The following NRXN3 variants were observed in gnomAD, a reference collection of about 807,000 sequenced individuals.
The protein encoded by NRXN3 is neurexin III.
A neutral mutation model predicts 137.6 loss-of-function variants in NRXN3; 32 were observed. The ratio of observed to expected loss-of-function variants is 0.23; its 90% CI spans 0.18 to 0.31. The LOEUF (loss-of-function observed/expected upper bound fraction) is 0.31. Ranked by LOEUF, NRXN3 falls within the 10% of genes least tolerant of loss-of-function variation. The pLI is 1.00. For missense variants in NRXN3, 1,574 were observed against 2,062.5 expected, an observed-to-expected ratio of 0.76 and a Z score of 4.59; for synonymous variants, 798 against 784.5, an observed-to-expected ratio of 1.02 and a Z score of -0.29.
intron 2 of NRXN3, among the ~76,000 whole-genome samples, chr14:78,251,327 GA>G (rs1373142027): frequency 2.0e-5 from 3 of 152,234 alleles, no homozygotes; most frequent in African/African-American, 2.4e-5. Context: ...GTGTGTGTGA[GA>G]GGGGGAGATG....
At chr14:79,783,525 G>A (rs1421201949) in intron 19 of NRXN3, among the ~76,000 whole-genome samples, 3 of 152,104 alleles carry the variant, frequency 2.0e-5, no homozygotes, top group East Asian at 3.9e-4. Context: ...ACCTCACAAT[G>A]TTGATATTGA....
chr14:78,664,578 A>G (rs1567008483), intron 6 of NRXN3, among the ~76,000 whole-genome samples: 1 of 152,150 alleles, frequency 6.6e-6, no homozygotes, highest in Non-Finnish European at 1.5e-5. Flanking sequence ...CTACATTTGC[A>G]TGTCAGACTC....
intron 8 of NRXN3, among the ~76,000 whole-genome samples, chr14:78,767,809 A>T (rs1197267216): frequency 1.3e-5 from 2 of 152,170 alleles, no homozygotes; most frequent in Non-Finnish European, 2.9e-5. Flanking sequence ...ACCATTCTTG[A>T]ACTATATTAT....
intron 15 of NRXN3, among the ~76,000 whole-genome samples, chr14:79,105,527 A>T (rs2052253684): frequency 1.3e-5 from 2 of 152,126 alleles, no homozygotes; most frequent in Non-Finnish European, 2.9e-5. Context: ...TCTGAGTTTT[A>T]CCCAATGGGT....
At chr14:79,665,624 T>C (rs2098553850) in intron 17 of NRXN3, among the ~76,000 whole-genome samples, 1 of 152,094 alleles carries the variant, frequency 6.6e-6, no homozygotes, top group African/African-American at 2.4e-5. Flanking sequence ...GAAGGGTTTG[T>C]TGTGTTTCTG....
intron 15 of NRXN3, among the ~76,000 whole-genome samples, chr14:79,376,660 A>G (rs2094311742): frequency 6.6e-6 from 1 of 152,176 alleles, no homozygotes; most frequent in Admixed American, 6.5e-5. Flanking sequence ...AAAACTATAA[A>G]GCTAAAATTT....
At position 79,574,109 on chromosome 14, in the gene NRXN3, C is replaced by T. The variant is rs114686761; in HGVS notation, c.3445-89669C>T. On this transcript the variant is annotated intron_variant, in intron 16 of 20. Transcript: ENST00000335750. ...TAGTAAAGACCTAAAGGAGTATAACCGAATAAACACAAAGTAGAATAAGTA... is the reference window on the plus strand; with the variant it reads ...TAGTAAAGACCTAAAGGAGTATAACTGAATAAACACAAAGTAGAATAAGTA... Among the ~76,000 whole-genome samples, 911 of 151,774 alleles carry T rather than the reference C, an allele frequency of 6.0e-3. 8 individuals are homozygous for T. Among genetic ancestry groups the T allele is most frequent in the African/African-American group, 0.015 (613 of 41,396 alleles).
chr14:78,247,823 T>C (rs1039868703), intron 2 of NRXN3, among the ~76,000 whole-genome samples: 3 of 152,218 alleles, frequency 2.0e-5, no homozygotes, highest in Non-Finnish European at 4.4e-5. Flanking sequence ...ACATTCTTGG[T>C]TATGAATGTG....
At chr14:78,528,200 A>G (rs1292153670) in intron 4 of NRXN3, among the ~76,000 whole-genome samples, 2 of 152,202 alleles carry the variant, frequency 1.3e-5, no homozygotes, top group South Asian at 2.1e-4. Context: ...TTTTCATCTT[A>G]TCACACTTTG....
chr14:79,501,505 C>T (rs1272041860), intron 16 of NRXN3, among the ~76,000 whole-genome samples: 1 of 152,118 alleles, frequency 6.6e-6, no homozygotes, highest in African/African-American at 2.4e-5. Flanking sequence ...GTTAGGAAAA[C>T]CAACAGATTT....
intron 20 of NRXN3, among the ~76,000 whole-genome samples, chr14:79,811,574 CTTTTTTCTTTTTTT>C (rs1420254651): frequency 7.7e-6 from 1 of 129,450 alleles, no homozygotes; most frequent in Non-Finnish European, 1.6e-5. Context: ...TTTCTTTTTT[CTTTTTTCTTTTTTT>C]TTTTTTTTTT....
At chr14:79,754,408 AGGGACTTGAAC>A (rs2099010302) in intron 19 of NRXN3, among the ~76,000 whole-genome samples, 1 of 149,896 alleles carries the variant, frequency 6.7e-6, no homozygotes. Flanking sequence ...CTGTGCCATT[AGGGACTTGAAC>A]ATCTCCAGAT....
intron 15 of NRXN3, among the ~76,000 whole-genome samples, chr14:79,083,834 C>G (rs1455811616): frequency 6.6e-6 from 1 of 152,160 alleles, no homozygotes; most frequent in African/African-American, 2.4e-5. Flanking sequence ...AGAATTACAA[C>G]TATCTGAGCT....
At chr14:79,686,826 C>T (rs551476917) in intron 17 of NRXN3, among the ~76,000 whole-genome samples, 1 of 152,286 alleles carries the variant, frequency 6.6e-6, no homozygotes, top group African/African-American at 2.4e-5. Flanking sequence ...ATGATACTGT[C>T]TGCTCGTATA....
At chr14:79,448,434 A>T (rs956259617) in intron 15 of NRXN3, among the ~76,000 whole-genome samples, 1 of 152,146 alleles carries the variant, frequency 6.6e-6, no homozygotes, top group South Asian at 2.1e-4. Flanking sequence ...TTAGAGTATG[A>T]TCTCTATTAA....
intron 3 of NRXN3, among the ~76,000 whole-genome samples, chr14:78,290,877 T>A (rs1350886855): frequency 6.6e-6 from 1 of 152,204 alleles, no homozygotes; most frequent in African/African-American, 2.4e-5. Context: ...TATCCGTGAC[T>A]GAGGAGTCTG....
chr14:79,845,047 C>CTT (rs913499608), intron 20 of NRXN3, among the ~76,000 whole-genome samples: 3 of 149,554 alleles, frequency 2.0e-5, no homozygotes, highest in African/African-American at 7.4e-5. Flanking sequence ...ATGAAGATGG[C>CTT]TTTTTTTTTT....
chr14:79,392,141 C>T (rs1048077789), intron 15 of NRXN3, among the ~76,000 whole-genome samples: 6 of 152,184 alleles, frequency 3.9e-5, no homozygotes, highest in East Asian at 1.9e-4. Context: ...TCTCCCTCCC[C>T]TAACCCCCAC....
chr14:79,228,987 C>T (rs187918306), intron 15 of NRXN3, among the ~76,000 whole-genome samples: 1 of 152,166 alleles, frequency 6.6e-6, no homozygotes, highest in East Asian at 1.9e-4. Flanking sequence ...TTGGTTACAA[C>T]CTCCTTCTTA....
Sources: gnomAD v4.1 joint callset for allele counts (sites outside exome capture counted in the v4.1 genomes callset) on GRCh38, gnomAD v4.1.1 for gene constraint, MANE v1.5 for transcripts, NCBI Gene and HGNC (gene_info 2026-07-23, HGNC 2026-07-21) for gene names.